The following UBE2R2 variants were observed in gnomAD, a reference collection of about 807,000 sequenced individuals.
UBE2R2 encodes ubiquitin-conjugating enzyme E2 R2.
In UBE2R2, 1 loss-of-function variant was observed where a neutral mutation model predicts 27.8. The observed-to-expected ratio is 0.04, with a 90% CI of 0.01 to 0.17. UBE2R2 has a LOEUF of 0.17. Ranked by LOEUF, UBE2R2 falls within the 10% of genes least tolerant of loss-of-function variation. The pLI is 1.00. For synonymous variants in UBE2R2, 106 were observed against 113.3 expected, an observed-to-expected ratio of 0.94 and a Z score of 0.41; for missense variants, 100 against 291.0, an observed-to-expected ratio of 0.34 and a Z score of 4.78.
intron 1 of UBE2R2, among the ~76,000 whole-genome samples, chr9:33,876,263 G>A (rs976321178): frequency 6.6e-6 from 1 of 152,150 alleles, no homozygotes; most frequent in Non-Finnish European, 1.5e-5. Context: ...GACTGAAACA[G>A]GAGAATTGCT....
At chr9:33,893,668 T>G (rs1041836050) in intron 2 of UBE2R2, among the ~76,000 whole-genome samples, 2 of 152,218 alleles carry the variant, frequency 1.3e-5, no homozygotes, top group Non-Finnish European at 1.5e-5. Flanking sequence ...AGAGTCTCAC[T>G]CTGTTGCCCA....
chr9:33,888,796 G>A (rs1005368279), intron 2 of UBE2R2, among the ~76,000 whole-genome samples: 3 of 152,012 alleles, frequency 2.0e-5, no homozygotes, highest in African/African-American at 7.2e-5. Flanking sequence ...GGATTACAGG[G>A]TAAGCCACCA....
At chr9:33,832,366 A>T (rs115129516) in intron 1 of UBE2R2, among the ~76,000 whole-genome samples, 3 of 149,744 alleles carry the variant, frequency 2.0e-5, no homozygotes, top group East Asian at 3.9e-4. Flanking sequence ...ACTTTAATCA[A>T]ATTTTTTCGG....
chr9:33,855,888 G>T lies in UBE2R2; in HGVS notation c.178-30993G>T, dbSNP rs571471740. Among the ~76,000 whole-genome samples the T allele has an allele frequency of 2.0e-3, 297 of 152,216 alleles. 1 individual carries two copies. The highest frequency in any genetic ancestry group is 6.5e-3 in the African/African-American group (272 of 41,550). ...AGCCCAGGAGTTCGAAATCAGCCTG[G>T]GCAACATGGCAAAACAAAAAATAGC... On this transcript the variant is annotated intron_variant, in intron 1 of 4. Coordinates refer to ENST00000263228, the MANE Select transcript of UBE2R2 (RefSeq NM_017811.4).
At chr9:33,905,236 T>C (rs947148491) in intron 3 of UBE2R2, among the ~76,000 whole-genome samples, 11 of 152,086 alleles carry the variant, frequency 7.2e-5, no homozygotes, top group African/African-American at 2.7e-4. Context: ...CAAGAGAGGC[T>C]GTTGTTTGGT....
At chr9:33,818,259 T>C (rs216364) in intron 1 of UBE2R2, among the ~76,000 whole-genome samples, 49,445 of 151,366 alleles carry the variant, frequency 0.33, 8,699 homozygotes, top group African/African-American at 0.46. Context: ...AGAGCGGTGG[T>C]CTATCTGTGC....
At chr9:33,824,381 A>G (rs966948415) in intron 1 of UBE2R2, among the ~76,000 whole-genome samples, 2 of 152,062 alleles carry the variant, frequency 1.3e-5, no homozygotes, top group Non-Finnish European at 2.9e-5. Context: ...TCATGCCTGT[A>G]ATCCTAGCAC....
chr9:33,849,604 C>T (rs1820919798), intron 1 of UBE2R2, among the ~76,000 whole-genome samples: 1 of 151,286 alleles, frequency 6.6e-6, no homozygotes. Context: ...GTAATCCCAG[C>T]ACTTTGGGAG....
At chr9:33,901,253 A>G (rs998314565) in intron 3 of UBE2R2, among the ~76,000 whole-genome samples, 4 of 152,194 alleles carry the variant, frequency 2.6e-5, no homozygotes, top group African/African-American at 9.7e-5. Flanking sequence ...CTAGGGTTAT[A>G]GGTTTGGGAG....
chr9:33,833,841 T>A (rs775567280), intron 1 of UBE2R2, among the ~76,000 whole-genome samples: 18 of 152,246 alleles, frequency 1.2e-4, no homozygotes, highest in Non-Finnish European at 2.1e-4. Context: ...TTCTCCTTTC[T>A]GTCTTTATGA....
At chr9:33,853,296 T>C (rs1431929894) in intron 1 of UBE2R2, among the ~76,000 whole-genome samples, 1 of 149,252 alleles carries the variant, frequency 6.7e-6, no homozygotes, top group African/African-American at 2.5e-5. Flanking sequence ...CTCTTTTTTT[T>C]TTTTTTTTTT....
intron 1 of UBE2R2, among the ~76,000 whole-genome samples, chr9:33,880,317 T>C (rs1300877995): frequency 6.6e-6 from 1 of 152,152 alleles, no homozygotes; most frequent in African/African-American, 2.4e-5. Context: ...CAGATTTTCA[T>C]TGTCATTTTT....
intron 3 of UBE2R2, among the ~76,000 whole-genome samples, chr9:33,901,424 A>T (rs993284709): frequency 6.6e-6 from 1 of 152,140 alleles, no homozygotes; most frequent in Non-Finnish European, 1.5e-5. Context: ...TGAACTTTTC[A>T]TTCTGTACTC....
In UBE2R2 at chr9:33,908,800, A is replaced by G. The variant is rs184157135; in HGVS notation, c.363-3164A>G. ...CTAGATCTGTGTTGTCCAATGTGGT[A>G]GCCTCTAACTACATGAGGCTTTTTA... On this transcript the variant is annotated intron_variant, in intron 3 of 4. Coordinates refer to ENST00000263228, the MANE Select transcript of UBE2R2 (RefSeq NM_017811.4). Among the ~76,000 whole-genome samples the G allele has an allele frequency of 1.6e-3, 246 of 152,298 alleles. 1 individual carries two copies. Among genetic ancestry groups the G allele is most frequent in the African/African-American group, 5.7e-3 (236 of 41,568 alleles).
intron 1 of UBE2R2, among the ~76,000 whole-genome samples, chr9:33,825,698 G>T (rs1418249605): frequency 6.6e-6 from 1 of 152,148 alleles, no homozygotes; most frequent in Non-Finnish European, 1.5e-5. Context: ...ATCTAGTTAT[G>T]GAAAAATAAC....
intron 2 of UBE2R2, among the ~76,000 whole-genome samples, chr9:33,894,692 G>A (rs1033736316): frequency 6.6e-6 from 1 of 152,204 alleles, no homozygotes; most frequent in East Asian, 1.9e-4. Context: ...GAGCTCAGAA[G>A]TCAGGACAAT....
chr9:33,866,646 A>G (rs1388051436), intron 1 of UBE2R2, among the ~76,000 whole-genome samples: 2 of 151,114 alleles, frequency 1.3e-5, no homozygotes, highest in African/African-American at 2.4e-5. Context: ...TCTAGTCTTC[A>G]GATCATGAAA....
chr9:33,820,367 A>G (rs1481853438), intron 1 of UBE2R2, among the ~76,000 whole-genome samples: 2 of 152,230 alleles, frequency 1.3e-5, no homozygotes, highest in Non-Finnish European at 2.9e-5. Context: ...TCTGACATGT[A>G]TGAAAATTTG....
intron 1 of UBE2R2, among the ~76,000 whole-genome samples, chr9:33,867,315 ACT>A (rs1418343560): frequency 6.6e-6 from 1 of 151,688 alleles, no homozygotes; most frequent in Non-Finnish European, 1.5e-5. Context: ...TCTATAAATG[ACT>A]CTTCCACTTC....
Sources: allele counts gnomAD v4.1 joint callset (sites outside exome capture counted in the v4.1 genomes callset), GRCh38; gene constraint gnomAD v4.1.1; transcripts MANE v1.5; gene names NCBI Gene and HGNC (gene_info 2026-07-23, HGNC 2026-07-21).